KAZN: variants seen among roughly 807,000 people sequenced by gnomAD.
The protein encoded by KAZN is kazrin, periplakin interacting protein.
A neutral mutation model predicts 87.4 loss-of-function variants in KAZN; 40 were observed. The observed-to-expected ratio is 0.46, with a 90% CI of 0.36 to 0.60. The LOEUF (loss-of-function observed/expected upper bound fraction) is 0.60, where lower values mean the gene tolerates loss of function less well. KAZN is among the 20% of genes least tolerant of loss of function. The pLI is 0.00. For missense variants in KAZN, 898 were observed against 1,073.9 expected (o/e 0.84, Z 2.29); for synonymous variants, 466 against 458.3 (o/e 1.02, Z -0.22).
chr1:14,026,289 G>A (rs987999777), intron 1 of KAZN, among the ~76,000 whole-genome samples: 4 of 152,088 alleles, frequency 2.6e-5, no homozygotes, highest in African/African-American at 9.7e-5. Context: ...CACATTGTAG[G>A]TGCTCAAGGA....
intron 2 of KAZN, among the ~76,000 whole-genome samples, chr1:14,389,476 T>TA (rs571914036): frequency 1.5e-4 from 20 of 131,778 alleles, no homozygotes; most frequent in Admixed American, 1.1e-3. Flanking sequence ...GATGAATGGA[T>TA]AAAAAAAAAT....
chr1:14,770,472 C>A (rs1002376161), intron 1 of KAZN, among the ~76,000 whole-genome samples: 4 of 152,046 alleles, frequency 2.6e-5, no homozygotes, highest in Non-Finnish European at 5.9e-5. Context: ...ATGGCTGTTT[C>A]GAGAAACTGT....
chr1:14,283,779 TA>T (rs1314127365), intron 2 of KAZN, among the ~76,000 whole-genome samples: 3 of 152,180 alleles, frequency 2.0e-5, no homozygotes. Context: ...ATCATTAACA[TA>T]TACAGGTATG....
chr1:14,405,359 C>G (rs929384593), intron 2 of KAZN, among the ~76,000 whole-genome samples: 3 of 152,122 alleles, frequency 2.0e-5, no homozygotes, highest in African/African-American at 7.2e-5. Flanking sequence ...ACCAAGAAAT[C>G]ATATAGATTT....
intron 1 of KAZN, among the ~76,000 whole-genome samples, chr1:13,985,405 A>G (rs911755347): frequency 2.0e-5 from 3 of 151,566 alleles, no homozygotes; most frequent in Non-Finnish European, 2.9e-5. Context: ...TGTCCTTTGT[A>G]GGGACATGGA....
intron 1 of KAZN, among the ~76,000 whole-genome samples, chr1:14,646,605 C>T (rs904286688): frequency 5.9e-5 from 9 of 152,066 alleles, no homozygotes; most frequent in African/African-American, 2.2e-4. Flanking sequence ...GTGGGGCTGT[C>T]CTATGCCTTG....
At chr1:14,129,132 T>C (rs1025708949) in intron 1 of KAZN, among the ~76,000 whole-genome samples, 3 of 152,180 alleles carry the variant, frequency 2.0e-5, no homozygotes, top group Non-Finnish European at 4.4e-5. Flanking sequence ...GTCCAGCACA[T>C]AGGGACTCAC....
At chr1:14,656,948 G>T (rs1638830403) in intron 1 of KAZN, among the ~76,000 whole-genome samples, 1 of 152,176 alleles carries the variant, frequency 6.6e-6, no homozygotes, top group South Asian at 2.1e-4. Context: ...GGAAACTGAA[G>T]TTGGCGGAGA....
At chr1:15,039,037 T>C (rs12129200) in intron 3 of KAZN, among the ~76,000 whole-genome samples, 75 of 119,080 alleles carry the variant, frequency 6.3e-4, no homozygotes, top group African/African-American at 2.2e-3. Flanking sequence ...TTATTGTGCA[T>C]CTACTGTATA....
intron 1 of KAZN, among the ~76,000 whole-genome samples, chr1:13,955,107 G>T (rs1215128381): frequency 6.6e-6 from 1 of 152,170 alleles, no homozygotes; most frequent in East Asian, 1.9e-4. Context: ...CTGCACTTGT[G>T]AAAGGTAAAA....
chr1:14,082,417 C>A (rs1385021613), intron 1 of KAZN, among the ~76,000 whole-genome samples: 1 of 152,124 alleles, frequency 6.6e-6, no homozygotes, highest in Non-Finnish European at 1.5e-5. Context: ...AGAGCTGACA[C>A]CCTTCCTTGT....
At chr1:14,011,764 C>T (rs1640323859) in intron 1 of KAZN, among the ~76,000 whole-genome samples, 1 of 152,106 alleles carries the variant, frequency 6.6e-6, no homozygotes, top group African/African-American at 2.4e-5. Flanking sequence ...GAACTTACTT[C>T]ATAGAATTGT....
intron 1 of KAZN, among the ~76,000 whole-genome samples, chr1:14,742,049 C>G (rs975952723): frequency 6.6e-6 from 1 of 152,176 alleles, no homozygotes; most frequent in African/African-American, 2.4e-5. Context: ...GAACCATCCC[C>G]AAGCAAAGAT....
At chr1:14,808,356 G>A (rs973196961) in intron 1 of KAZN, among the ~76,000 whole-genome samples, 3 of 134,988 alleles carry the variant, frequency 2.2e-5, no homozygotes, top group Middle Eastern at 5.0e-3. Context: ...GAGTGCAGTG[G>A]TTCGATCTCA....
intron 2 of KAZN, among the ~76,000 whole-genome samples, chr1:14,580,588 G>A (rs1336855306): frequency 2.6e-5 from 4 of 152,202 alleles, no homozygotes. Context: ...GAGGGGCTCA[G>A]GATAAGAGGC....
chr1:14,096,322 A>G (rs1047475891), intron 1 of KAZN, among the ~76,000 whole-genome samples: 2 of 152,218 alleles, frequency 1.3e-5, no homozygotes, highest in Non-Finnish European at 2.9e-5. Flanking sequence ...ATTCACAACG[A>G]ATGTGTCAGA....
intron 2 of KAZN, among the ~76,000 whole-genome samples, chr1:14,321,071 G>A (rs1446317171): frequency 1.3e-5 from 2 of 152,176 alleles, no homozygotes; most frequent in African/African-American, 4.8e-5. Context: ...TCACAAAAAT[G>A]TGCGGTAGCA....
intron 2 of KAZN, among the ~76,000 whole-genome samples, chr1:14,514,583 T>TAATATATGAAATATATA (rs1345658172): frequency 3.2e-5 from 2 of 62,814 alleles, no homozygotes; most frequent in Non-Finnish European, 6.4e-5. Context: ...ATTTTATATA[T>TAATATATGAAATATATA]TTTTTTATAT....
chr1:14,524,710 G>A (rs910167921), intron 2 of KAZN, among the ~76,000 whole-genome samples: 8 of 152,094 alleles, frequency 5.3e-5, no homozygotes, highest in Non-Finnish European at 1.0e-4. Flanking sequence ...GTATATTAAA[G>A]TTTAATAGCA....
Sources: gnomAD v4.1 joint callset for allele counts (sites outside exome capture counted in the v4.1 genomes callset) on GRCh38, gnomAD v4.1.1 for gene constraint, MANE v1.5 for transcripts, NCBI Gene and HGNC (gene_info 2026-07-23, HGNC 2026-07-21) for gene names.